Variants in TRAM1 observed in about 807,000 individuals in gnomAD.
TRAM1 encodes the protein translocation associated membrane protein 1.
A neutral mutation model predicts 48.7 loss-of-function variants in TRAM1; 17 were observed. That is an observed-to-expected ratio of 0.35 (90% CI 0.24 to 0.52). The LOEUF (loss-of-function observed/expected upper bound fraction) is 0.52, where lower values mean the gene tolerates loss of function less well. TRAM1 is among the 20% of genes least tolerant of loss of function. The pLI, the probability that TRAM1 is intolerant of heterozygous loss-of-function variation, is 0.94. For synonymous variants in TRAM1, 182 were observed against 154.0 expected (o/e 1.18, Z -1.34); for missense variants, 351 against 441.5 (o/e 0.79, Z 1.84).
chr8:70,598,498 C>T (rs1817537849), intron 2 of TRAM1, among the ~76,000 whole-genome samples: 1 of 152,088 alleles, frequency 6.6e-6, no homozygotes, highest in South Asian at 2.1e-4. Flanking sequence ...GTCACAGCCA[C>T]CAAAGACCAA....
rs941180749 is a variant in TRAM1 at position 70,602,613 on chromosome 8, TA to T, written c.124-2532del. On this transcript the variant is annotated intron_variant, in intron 1 of 10. Coordinates refer to ENST00000262213, the MANE Select transcript of TRAM1 (RefSeq NM_014294.6). Reference sequence around the variant, plus strand: ...GTGAGAAAAAAGCAATGTCACATATTAAGCATAATGGGGACATGAATGGTGA... The same window carrying T: ...GTGAGAAAAAAGCAATGTCACATATTAGCATAATGGGGACATGAATGGTGA... Among the ~76,000 whole-genome samples, 132 of 152,314 alleles carry T rather than the reference TA, an allele frequency of 8.7e-4. 1 individual carries two copies. Among genetic ancestry groups the T allele is most frequent in the African/African-American group, 3.1e-3 (130 of 41,564 alleles).
At chr8:70,587,371 G>A in intron 6 of TRAM1, 195 bp from the exon 7 acceptor site, 1 of 529,646 alleles carries the variant, frequency 1.9e-6, no homozygotes, top group Non-Finnish European at 3.3e-6. Flanking sequence ...TTCTTTAAGA[G>A]TAAGTGAAAA....
intron 2 of TRAM1, 39 bp downstream of exon 2, chr8:70,599,980 T>C: frequency 1.3e-6 from 2 of 1,564,042 alleles, no homozygotes; most frequent in African/African-American, 2.7e-5. Flanking sequence ...TCAACTGAAC[T>C]TCTATTTACG....
intron 6 of TRAM1, among the ~76,000 whole-genome samples, chr8:70,589,980 T>TA (rs984864729): frequency 1.3e-5 from 2 of 152,174 alleles, no homozygotes; most frequent in Non-Finnish European, 2.9e-5. Context: ...TGACTAGGTA[T>TA]AAAAAATATT....
Position 70,574,819 on chromosome 8 carries a change from C to T in TRAM1, c.*113G>A. 1 of 777,170 alleles carries T rather than the reference C, an allele frequency of 1.3e-6. No homozygotes were observed. Among genetic ancestry groups the T allele is most frequent in the Non-Finnish European group, 2.1e-6 (1 of 484,872 alleles). 48.1% of individuals were successfully genotyped at this position (777,170 alleles called of 1,614,324 possible). On this transcript the variant is annotated 3_prime_UTR_variant, in exon 11 of 11. Transcript: ENST00000262213. ...AAAAATGCATGAAACCGTACAATAGCAAAAATCAAAGAGCACAGACTGTAT... is the reference window on the plus strand; with the variant it reads ...AAAAATGCATGAAACCGTACAATAGTAAAAATCAAAGAGCACAGACTGTAT...
At chr8:70,600,261 C>T (rs1027711895) in intron 1 of TRAM1, among the ~76,000 whole-genome samples, 179 bp from the exon 2 acceptor site, 1 of 152,162 alleles carries the variant, frequency 6.6e-6, no homozygotes, top group African/African-American at 2.4e-5. Context: ...ATGTAATTCA[C>T]TAGAGTACTC....
chr8:70,579,964 C>T (rs1045824083), intron 10 of TRAM1, among the ~76,000 whole-genome samples: 1 of 152,004 alleles, frequency 6.6e-6, no homozygotes, highest in African/African-American at 2.4e-5. Flanking sequence ...TTAAAGAAAA[C>T]AAATGGCACT....
At chr8:70,602,179 C>T (rs986067681) in intron 1 of TRAM1, among the ~76,000 whole-genome samples, 3 of 152,252 alleles carry the variant, frequency 2.0e-5, no homozygotes, top group South Asian at 2.1e-4. Context: ...GGAAAGAGAA[C>T]GATAGACTGG....
intron 1 of TRAM1, among the ~76,000 whole-genome samples, chr8:70,605,914 T>C (rs1000676487): frequency 6.6e-6 from 1 of 152,186 alleles, no homozygotes; most frequent in Non-Finnish European, 1.5e-5. Flanking sequence ...CCTAGAAATA[T>C]AGTAAGAGAA....
At chr8:70,591,552 T>C (rs1817360681) in intron 6 of TRAM1, among the ~76,000 whole-genome samples, 1 of 152,176 alleles carries the variant, frequency 6.6e-6, no homozygotes, top group Non-Finnish European at 1.5e-5. Flanking sequence ...TCAAGTGCCA[T>C]TTTCAGTTGT....
intron 6 of TRAM1, among the ~76,000 whole-genome samples, chr8:70,591,004 T>TACAA (rs763918840): frequency 1.2e-4 from 17 of 140,930 alleles, no homozygotes; most frequent in African/African-American, 4.4e-4. Context: ...ACAACAATAA[T>TACAA]AATAAAAAAA....
intron 6 of TRAM1, among the ~76,000 whole-genome samples, chr8:70,590,282 C>T (rs1047189731): frequency 2.6e-5 from 4 of 151,778 alleles, no homozygotes; most frequent in Non-Finnish European, 5.9e-5. Flanking sequence ...ACCTAAGCTG[C>T]CTACTCTTTT....
chr8:70,577,598 C>T (rs1248597110), intron 10 of TRAM1, among the ~76,000 whole-genome samples: 1 of 152,240 alleles, frequency 6.6e-6, no homozygotes, highest in Non-Finnish European at 1.5e-5. Flanking sequence ...CTGCATACCT[C>T]ATTCTTCCTG....
rs539103916 is a variant in TRAM1, at chr8:70,585,782, G to A, written c.746+1113C>T. ...AAAAAGTCAGGAAACAACAGGTGCT[G>A]GAGAGGATGTGGAGAAATAGGAACA... On this transcript the variant is annotated intron_variant, in intron 8 of 10. Transcript: ENST00000262213. Among the ~76,000 whole-genome samples, 627 of 104,030 alleles carry A rather than the reference G, an allele frequency of 6.0e-3. 22 individuals are homozygous for A. The highest frequency in any genetic ancestry group is 0.018 in the African/African-American group (588 of 33,006). The allele number at this position is 104,030 out of a possible 152,430, so 68.2% of individuals were successfully genotyped here.
chr8:70,601,194 C>T (rs1817601750), intron 1 of TRAM1, among the ~76,000 whole-genome samples: 1 of 152,076 alleles, frequency 6.6e-6, no homozygotes, highest in South Asian at 2.1e-4. Context: ...GTTACCACAT[C>T]CCCCTCCCTA....
intron 5 of TRAM1, among the ~76,000 whole-genome samples, chr8:70,595,778 G>A (rs1031942286): frequency 5.9e-5 from 9 of 152,214 alleles, no homozygotes; most frequent in African/African-American, 1.4e-4. Context: ...AGCTGGGCTC[G>A]AATAATGAAT....
chr8:70,603,918 G>A (rs1456599030), intron 1 of TRAM1, among the ~76,000 whole-genome samples: 2 of 152,190 alleles, frequency 1.3e-5, no homozygotes, highest in East Asian at 1.9e-4. Context: ...AAAGTTTCAA[G>A]TTTAAGCTAG....
chr8:70,596,671 A>G (rs1023571370), intron 4 of TRAM1, among the ~76,000 whole-genome samples: 1 of 152,190 alleles, frequency 6.6e-6, no homozygotes. Context: ...GTCTTAGGTA[A>G]TCAGAAGATT....
rs1330938133 is a variant in TRAM1, at chr8:70,607,035, G to T, written c.123+1042C>A. ...AAATCTCTACTCTCACTTGTTACAT[G>T]CAGGAGAGAGGAGACAAAACAAGGC... On this transcript the variant is annotated intron_variant, in intron 1 of 10. Coordinates refer to ENST00000262213, the MANE Select transcript of TRAM1 (RefSeq NM_014294.6). 4.6e-6 allele frequency: 4 copies of T among 875,942 alleles called. No individual in the cohort carries two copies. In the East Asian group the frequency reaches 3.6e-4, roughly 79 times the overall value. The allele number at this position is 875,942 out of a possible 1,614,324, so 54.3% of individuals were successfully genotyped here. A position where few individuals can be genotyped will look rare whatever the true frequency, so the allele number is the denominator to read the frequency against.
Sources: allele counts gnomAD v4.1 joint callset (sites outside exome capture counted in the v4.1 genomes callset), GRCh38; gene constraint gnomAD v4.1.1; transcripts MANE v1.5; gene names NCBI Gene and HGNC (gene_info 2026-07-23, HGNC 2026-07-21).